Variants in CLPTM1L observed in about 807,000 individuals in gnomAD.
CLPTM1L encodes lipid scramblase CLPTM1L.
In CLPTM1L, 38 loss-of-function variants were observed where a neutral mutation model predicts 70.9. The observed-to-expected ratio is 0.54, with a 90% CI of 0.41 to 0.70. CLPTM1L has a LOEUF of 0.70. Ranked by LOEUF, CLPTM1L falls within the 30% of genes least tolerant of loss-of-function variation. CLPTM1L has a pLI of 0.00. For missense variants in CLPTM1L, 652 were observed against 705.9 expected, an observed-to-expected ratio of 0.92 and a Z score of 0.87; for synonymous variants, 339 against 299.9, an observed-to-expected ratio of 1.13 and a Z score of -1.35.
In CLPTM1L at chr5:1,342,043, C is replaced by T. The variant is rs1028075533; in HGVS notation, c.264-183G>A. Among the ~76,000 whole-genome samples the T allele has an allele frequency of 1.7e-4, 20 of 117,014 alleles. No individual in the cohort carries two copies. Among genetic ancestry groups the T allele is most frequent in the African/African-American group, 4.9e-4 (11 of 22,464 alleles). 76.8% of individuals were successfully genotyped at this position (117,014 alleles called of 152,430 possible). A position where few individuals can be genotyped will look rare whatever the true frequency, so the allele number is the denominator to read the frequency against. On this transcript the variant is annotated intron_variant, in intron 2 of 16. Coordinates refer to ENST00000320895, the MANE Select transcript of CLPTM1L (RefSeq NM_030782.5). This position sits in a 1 kb window ranked among gnomAD's most constrained non-coding sequence, Gnocchi z 4.3. ...GTGTGTGTGTGTGTGTGTGTGTGCA[C>T]GCGCACGCGTGCGCGTCCTGAGAAC...
At chr5:1,338,408 TG>T (rs34620990) in intron 4 of CLPTM1L, 101,127 of 254,708 alleles carry the variant, frequency 0.4, 21,791 homozygotes, top group African/African-American at 0.57. Flanking sequence ...GCGCAGGAGT[TG>T]GGGGGGGGAT....
rs968633878 is a variant in CLPTM1L, at chr5:1,342,206, T to G, written c.264-346A>C. 6.6e-6 allele frequency among the ~76,000 whole-genome samples: 1 copy of G among 152,084 alleles called. No individual in the cohort carries two copies. The highest frequency in any genetic ancestry group is 2.4e-5 in the African/African-American group (1 of 41,406). The stretch of plus-strand genomic sequence containing the variant: ...CCAGATGGAAAGCAGCTTCTGGGCC[T>G]GGCCAGGGTACCAGCTGACCACACA... On this transcript the variant is annotated intron_variant, in intron 2 of 16. Transcript: ENST00000320895. The surrounding 1 kb of genome is among the most constrained non-coding windows in gnomAD (Gnocchi z 4.3).
intron 7 of CLPTM1L, among the ~76,000 whole-genome samples, chr5:1,332,826 T>C (rs1753188968): frequency 6.6e-6 from 1 of 152,250 alleles, no homozygotes; most frequent in African/African-American, 2.4e-5. Context: ...AATACATATA[T>C]TCATTCATTA....
At chr5:1,332,864 C>G (rs1753194043) in intron 7 of CLPTM1L, among the ~76,000 whole-genome samples, 1 of 152,228 alleles carries the variant, frequency 6.6e-6, no homozygotes, top group Non-Finnish European at 1.5e-5. Flanking sequence ...ATTCAGACAT[C>G]CAATGAGGGT....
chr5:1,343,170 A>G, intron 2 of CLPTM1L, among the ~76,000 whole-genome samples: 1 of 152,102 alleles, frequency 6.6e-6, no homozygotes, highest in Non-Finnish European at 1.5e-5. Flanking sequence ...CAGCCTGGCA[A>G]CAGAGCAAGA....
intron 16 of CLPTM1L, 97 bp downstream of exon 16, chr5:1,320,519 T>A: frequency 1.6e-6 from 1 of 608,190 alleles, no homozygotes; most frequent in Non-Finnish European, 2.7e-6. Context: ...CTCAAATGGA[T>A]AAACAGGCGC....
rs1283743760 is a variant in CLPTM1L at position 1,318,139 on chromosome 5, T to G, written c.*230A>C. ...TGCCGGGAGCCACCACAGCTCAAGG[T>G]GACCGGCAGCACCCAGCTCTGTGAC... On this transcript the variant is annotated 3_prime_UTR_variant, in exon 17 of 17. Transcript: ENST00000320895. The surrounding 1 kb of genome is among the most constrained non-coding windows in gnomAD (Gnocchi z 8.9). The G allele has an allele frequency of 1.9e-6, 1 of 539,696 alleles. No homozygotes were observed. Among genetic ancestry groups the G allele is most frequent in the Admixed American group, 3.5e-5 (1 of 28,306 alleles). 33.4% of individuals were successfully genotyped at this position (539,696 alleles called of 1,614,324 possible).
intron 5 of CLPTM1L, among the ~76,000 whole-genome samples, chr5:1,337,257 G>A (rs915813041): frequency 6.6e-6 from 1 of 152,270 alleles, no homozygotes; most frequent in Non-Finnish European, 1.5e-5. Context: ...TGTGCAGTAA[G>A]AGACATTAAA....
At chr5:1,328,386 GACATTTCTTCCAGCTCCTCCTCTACAGAC>G (rs1752786977) in intron 9 of CLPTM1L, among the ~76,000 whole-genome samples, 1 of 67,866 alleles carries the variant, frequency 1.5e-5, no homozygotes, top group African/African-American at 5.9e-5. Context: ...CCTCTACAGG[GACATTTCTTCCAGCTCCTCCTCTACAGAC>G]ACATTCCATC....
intron 12 of CLPTM1L, 92 bp downstream of exon 12, chr5:1,323,695 T>C: frequency 9.3e-7 from 1 of 1,078,278 alleles, no homozygotes. Flanking sequence ...GGCCCCGAGT[T>C]TGCCCTCCAG....
intron 1 of CLPTM1L, 94 bp from the exon 2 acceptor site, chr5:1,344,545 G>T: frequency 6.8e-7 from 1 of 1,463,814 alleles, no homozygotes; most frequent in Non-Finnish European, 9.4e-7. Context: ...AGACCTGGCC[G>T]CTGGGGAACC....
intron 7 of CLPTM1L, among the ~76,000 whole-genome samples, chr5:1,333,674 G>T (rs1221476043): frequency 1.0e-5 from 1 of 97,652 alleles, no homozygotes; most frequent in Non-Finnish European, 1.9e-5. Flanking sequence ...TGAGGATAAG[G>T]GGGGACTACT....
chr5:1,337,072 G>A (rs1338069996), intron 5 of CLPTM1L, among the ~76,000 whole-genome samples: 1 of 152,240 alleles, frequency 6.6e-6, no homozygotes, highest in African/African-American at 2.4e-5. Flanking sequence ...CTCCTAGTGG[G>A]TGATCCGGAG....
intron 16 of CLPTM1L, among the ~76,000 whole-genome samples, chr5:1,319,243 C>CG (rs966138044): frequency 3.0e-4 from 46 of 151,280 alleles, no homozygotes; most frequent in African/African-American, 1.0e-3. Flanking sequence ...GAATGGTGAA[C>CG]GGGGGACAGG....
intron 7 of CLPTM1L, among the ~76,000 whole-genome samples, chr5:1,333,670 TAAGGGGG>T (rs1753332830): frequency 1.2e-5 from 1 of 86,672 alleles, no homozygotes. Context: ...CGGCTGAGGA[TAAGGGGG>T]GACTACTGTA....
At chr5:1,320,347 T>C (rs1045365002) in intron 16 of CLPTM1L, 1 of 384,474 alleles carries the variant, frequency 2.6e-6, no homozygotes, top group Non-Finnish European at 4.6e-6. Context: ...GGAGAGACAT[T>C]TGCTTTCAGT....
rs1579645950 is a variant in CLPTM1L, at chr5:1,335,052, C to G, written c.796+5G>C. The G allele has an allele frequency of 6.2e-7, 1 of 1,611,454 alleles. No individual in the cohort carries two copies. Among genetic ancestry groups the G allele is most frequent in the South Asian group, 1.1e-5 (1 of 91,036 alleles). On this transcript the variant is annotated splice_donor_5th_base_variant and intron_variant, in intron 6 of 16. Coordinates refer to ENST00000320895, the MANE Select transcript of CLPTM1L (RefSeq NM_030782.5). ...ACCCAGGCGCCGGCCGTGTGCGGCA[C>G]ATACCGAACTGCTGCAGGGAGTACA...
intron 15 of CLPTM1L, among the ~76,000 whole-genome samples, 173 bp downstream of exon 15, chr5:1,321,462 C>G (rs1752148704): frequency 6.6e-6 from 1 of 152,196 alleles, no homozygotes; most frequent in Non-Finnish European, 1.5e-5. Context: ...TGAAGTTACT[C>G]TATAGCTCTT....
At chr5:1,320,756 T>G in intron 15 of CLPTM1L, 25 bp from the exon 16 acceptor site, 1 of 1,360,098 alleles carries the variant, frequency 7.4e-7, no homozygotes. Flanking sequence ...GGGAGGAGGG[T>G]GAACCCCAGT....
Sources: allele counts gnomAD v4.1 joint callset (sites outside exome capture counted in the v4.1 genomes callset), GRCh38; gene constraint gnomAD v4.1.1; non-coding constraint Gnocchi (gnomAD v3.1); transcripts MANE v1.5; gene names NCBI Gene and HGNC (gene_info 2026-07-23, HGNC 2026-07-21).